AGBL4: variants seen among roughly 807,000 people sequenced by gnomAD.
AGBL4 encodes cytosolic carboxypeptidase 6.
A neutral mutation model predicts 66.4 loss-of-function variants in AGBL4; 58 were observed. That is an observed-to-expected ratio of 0.87 (90% CI 0.71 to 1.09). The LOEUF is 1.09. Among genes scored for constraint, AGBL4 ranks in the 50% least tolerant of loss-of-function variants. The probability of loss-of-function intolerance (pLI) is 0.00; values close to 1 mark genes in which losing one functional copy is unlikely to be tolerated. For synonymous variants in AGBL4, 234 were observed against 222.9 expected, an observed-to-expected ratio of 1.05 and a Z score of -0.44; for missense variants, 579 against 631.0, an observed-to-expected ratio of 0.92 and a Z score of 0.88.
chr1:49,576,975 G>T (rs1209519891), intron 3 of AGBL4, among the ~76,000 whole-genome samples: 1 of 152,202 alleles, frequency 6.6e-6, no homozygotes, highest in Non-Finnish European at 1.5e-5. Flanking sequence ...CAGTGCACCT[G>T]CTAGTGCACT....
intron 3 of AGBL4, among the ~76,000 whole-genome samples, chr1:49,319,404 C>T (rs1645093446): frequency 6.6e-6 from 1 of 152,150 alleles, no homozygotes; most frequent in South Asian, 2.1e-4. Context: ...GTTTATTTTT[C>T]TCACACATAC....
At chr1:49,307,786 T>C (rs1284831789) in intron 3 of AGBL4, among the ~76,000 whole-genome samples, 4 of 152,090 alleles carry the variant, frequency 2.6e-5, no homozygotes, top group Non-Finnish European at 4.4e-5. Flanking sequence ...ACTTAAGATC[T>C]CTCCAATCTG....
chr1:49,886,372 C>T lies in AGBL4; in HGVS notation c.35-34854G>A, dbSNP rs185744973. On this transcript the variant is annotated intron_variant, in intron 1 of 13. Coordinates refer to ENST00000371839, the MANE Select transcript of AGBL4 (RefSeq NM_032785.4). ...AAATGAGTTCCAAGAAGATTATGCA[C>T]GGAGGAACAAAGTATTAACCTGAGT... 2.6e-3 allele frequency among the ~76,000 whole-genome samples: 392 copies of T among 151,964 alleles called. 4 individuals are homozygous for T. The highest frequency in any genetic ancestry group is 9.0e-3 in the African/African-American group (373 of 41,468).
intron 5 of AGBL4, among the ~76,000 whole-genome samples, chr1:48,972,248 G>A (rs998571326): frequency 1.3e-5 from 2 of 152,138 alleles, no homozygotes; most frequent in Non-Finnish European, 2.9e-5. Context: ...AAGCTGAAGG[G>A]AGATGGTCAA....
the AGBL4 span, among the ~76,000 whole-genome samples, chr1:48,525,845 A>G: frequency 6.6e-6 from 1 of 152,178 alleles, no homozygotes; most frequent in African/African-American, 2.4e-5. Flanking sequence ...ACTTTGGGAT[A>G]TTTCCTGGGA....
intron 3 of AGBL4, among the ~76,000 whole-genome samples, chr1:49,587,694 G>A (rs1188161604): frequency 6.6e-6 from 1 of 152,068 alleles, no homozygotes; most frequent in Non-Finnish European, 1.5e-5. Flanking sequence ...CACAACAGGT[G>A]TATATATAAT....
At chr1:49,983,507 T>C (rs1179245322) in intron 1 of AGBL4, among the ~76,000 whole-genome samples, 1 of 152,204 alleles carries the variant, frequency 6.6e-6, no homozygotes, top group Non-Finnish European at 1.5e-5. Flanking sequence ...TCCAGGCCAG[T>C]AGCACAAGTC....
intron 4 of AGBL4, among the ~76,000 whole-genome samples, chr1:49,109,034 A>G (rs1645353933): frequency 6.6e-6 from 1 of 152,178 alleles, no homozygotes; most frequent in African/African-American, 2.4e-5. Context: ...TGGGTTTTTC[A>G]AACATTCTAT....
Position 49,895,216 on chromosome 1 carries a change from G to A in AGBL4, c.35-43698C>T, listed in dbSNP as rs114330218. 9.5e-3 allele frequency among the ~76,000 whole-genome samples: 1,417 copies of A among 149,240 alleles called. 18 individuals carry two copies. The highest frequency in any genetic ancestry group is 0.033 in the African/African-American group (1,352 of 40,908). ...CAGTTTAAAAAAAAAAAAAAAAACTGAGAGATTTCAACACCAGACCTGTTC... is the reference window on the plus strand; with the variant it reads ...CAGTTTAAAAAAAAAAAAAAAAACTAAGAGATTTCAACACCAGACCTGTTC... On this transcript the variant is annotated intron_variant, in intron 1 of 13. Transcript: ENST00000371839.
intron 4 of AGBL4, among the ~76,000 whole-genome samples, chr1:49,088,270 A>G (rs928549135): frequency 3.3e-5 from 5 of 152,254 alleles, no homozygotes; most frequent in African/African-American, 1.2e-4. Context: ...AAATACCTCA[A>G]TTAAAAGGCA....
chr1:49,511,621 T>A (rs906427045), intron 3 of AGBL4, among the ~76,000 whole-genome samples: 3 of 151,430 alleles, frequency 2.0e-5, no homozygotes, highest in African/African-American at 7.3e-5. Flanking sequence ...AAAATTTTTT[T>A]TTAAAAAAAT....
intron 4 of AGBL4, among the ~76,000 whole-genome samples, chr1:49,122,281 G>A (rs889738804): frequency 6.6e-6 from 1 of 152,184 alleles, no homozygotes; most frequent in Non-Finnish European, 1.5e-5. Context: ...GAAATCACCA[G>A]TTTTCTGTGT....
At chr1:48,914,378 T>C (rs1402145220) in intron 5 of AGBL4, among the ~76,000 whole-genome samples, 3 of 151,820 alleles carry the variant, frequency 2.0e-5, no homozygotes, top group Admixed American at 6.6e-5. Context: ...TTCTGTAAAG[T>C]TGAGTGGGGC....
At chr1:49,747,624 ATCT>A (rs1651088755) in intron 2 of AGBL4, among the ~76,000 whole-genome samples, 1 of 152,072 alleles carries the variant, frequency 6.6e-6, no homozygotes, top group South Asian at 2.1e-4. Flanking sequence ...CTAATCAGAG[ATCT>A]TCTAAAATTT....
chr1:48,892,528 G>C (rs1334449695), intron 5 of AGBL4, among the ~76,000 whole-genome samples: 1 of 152,128 alleles, frequency 6.6e-6, no homozygotes, highest in Non-Finnish European at 1.5e-5. Flanking sequence ...ATCAACATAT[G>C]TAAAATGAAC....
chr1:49,564,357 T>C (rs2148859816), intron 3 of AGBL4, among the ~76,000 whole-genome samples: 1 of 152,330 alleles, frequency 6.6e-6, no homozygotes, highest in Admixed American at 6.5e-5. Flanking sequence ...AGCTTTTGAA[T>C]GTGTTTGCTA....
chr1:49,152,609 A>T (rs1357310618), intron 4 of AGBL4, among the ~76,000 whole-genome samples: 1 of 152,212 alleles, frequency 6.6e-6, no homozygotes, highest in Non-Finnish European at 1.5e-5. Context: ...GCCTTAGAAG[A>T]GGTATTTAGC....
Position 49,541,723 on chromosome 1 carries a change from C to T in AGBL4, c.282+155590G>A, listed in dbSNP as rs535570690. Among the ~76,000 whole-genome samples, 5 of 152,312 alleles carry T rather than the reference C, an allele frequency of 3.3e-5. No homozygotes were observed. The East Asian group carries it at 7.8e-4, about 24-fold the overall frequency. On this transcript the variant is annotated intron_variant, in intron 3 of 13. Coordinates refer to ENST00000371839, the MANE Select transcript of AGBL4 (RefSeq NM_032785.4). The stretch of plus-strand genomic sequence containing the variant: ...GAGGAGTGCAACGGCGAGGGAATGG[C>T]GGGCAGCTCCACCTGTGGCCCCTGT...
intron 1 of AGBL4, among the ~76,000 whole-genome samples, chr1:50,012,866 T>C: frequency 6.6e-6 from 1 of 152,188 alleles, no homozygotes; most frequent in Non-Finnish European, 1.5e-5. Context: ...ACAACTTTTT[T>C]GCCAACTTGA....
Sources: gnomAD v4.1 joint callset for allele counts (sites outside exome capture counted in the v4.1 genomes callset) on GRCh38, gnomAD v4.1.1 for gene constraint, MANE v1.5 for transcripts, NCBI Gene and HGNC (gene_info 2026-07-23, HGNC 2026-07-21) for gene names.